The following C11orf65 variants were observed in gnomAD, a reference collection of about 807,000 sequenced individuals.
C11orf65 encodes chromosome 11 open reading frame 65, also known as protein MFI.
Under a neutral mutation model 35.3 loss-of-function variants are expected in C11orf65, and 38 were observed. That is an observed-to-expected ratio of 1.08 (90% CI 0.83 to 1.41). The LOEUF is 1.41. C11orf65 is among the 40% of genes most tolerant of loss of function. The pLI, the probability that C11orf65 is intolerant of heterozygous loss-of-function variation, is 0.00. For synonymous variants in C11orf65, 105 were observed against 114.4 expected (o/e 0.92, Z 0.53); for missense variants, 370 against 367.1 (o/e 1.01, Z -0.06).
intron 2 of C11orf65, among the ~76,000 whole-genome samples, chr11:108,337,387 A>G (rs1311603319): frequency 3.9e-5 from 6 of 152,238 alleles, no homozygotes; most frequent in Non-Finnish European, 8.8e-5. Context: ...AAGTTGCTCT[A>G]TAAAGGCTAC....
At chr11:108,356,227 T>C (rs1234263983) in intron 2 of C11orf65, 1 of 152,130 alleles carries the variant, frequency 6.6e-6, no homozygotes, top group African/African-American at 2.4e-5. Flanking sequence ...TTATATTATC[T>C]TGCACTTTTT....
At chr11:108,435,755 C>A (rs1330584912) in intron 2 of C11orf65, among the ~76,000 whole-genome samples, 1 of 151,810 alleles carries the variant, frequency 6.6e-6, no homozygotes, top group Non-Finnish European at 1.5e-5. Flanking sequence ...CCATTTTTTT[C>A]TTTTGTTTTC....
chr11:108,467,850 G>T (rs1443307063), upstream of C11orf65, among the ~76,000 whole-genome samples: 3 of 152,010 alleles, frequency 2.0e-5, no homozygotes, highest in Non-Finnish European at 4.4e-5. Flanking sequence ...CTTGAGATAG[G>T]GTCTCAATCT....
At chr11:108,408,698 T>TAAAATAAA in intron 3 of C11orf65, among the ~76,000 whole-genome samples, 1 of 106,840 alleles carries the variant, frequency 9.4e-6, no homozygotes, top group Non-Finnish European at 1.7e-5. Context: ...TAAAATAAAA[T>TAAAATAAA]AAAATAAAAT....
chr11:108,349,422 T>C (rs1342410174), intron 2 of C11orf65, among the ~76,000 whole-genome samples: 4 of 152,262 alleles, frequency 2.6e-5, no homozygotes, highest in East Asian at 3.9e-4. Context: ...CCCAACACTT[T>C]GGGAGGCCAA....
downstream of C11orf65, chr11:108,330,417 T>C (rs1060501644): frequency 6.2e-7 from 1 of 1,614,138 alleles, no homozygotes; most frequent in African/African-American, 1.3e-5. Flanking sequence ...AATGGCATGA[T>C]GAAGGCAAGT....
At chr11:108,363,009 A>C (rs2090970656) in intron 2 of C11orf65, among the ~76,000 whole-genome samples, 1 of 152,122 alleles carries the variant, frequency 6.6e-6, no homozygotes, top group South Asian at 2.1e-4. Context: ...CACACCCTCC[A>C]ATGCTTTGTG....
At position 108,461,387 on chromosome 11, in the gene C11orf65, G is replaced by C. The variant is rs12284770; in HGVS notation, c.81+92C>G. ...TGCACTCCAGCCTAGGCAACAGAGAGAGATTCTGTCTTAAAAAAAAAAATT... is the reference window on the plus strand; with the variant it reads ...TGCACTCCAGCCTAGGCAACAGAGACAGATTCTGTCTTAAAAAAAAAAATT... On this transcript the variant is annotated intron_variant, in intron 2 of 8. Coordinates refer to ENST00000393084, the MANE Select transcript of C11orf65 (RefSeq NM_152587.5). The C allele has an allele frequency of 1.4e-3, 1,379 of 956,634 alleles. 14 individuals are homozygous for C. The African/African-American group carries it at 0.02, about 14-fold the overall frequency. The allele number at this position is 956,634 out of a possible 1,614,324, so 59.3% of individuals were successfully genotyped here.
chr11:108,448,401 C>T (rs900068511), intron 2 of C11orf65, among the ~76,000 whole-genome samples: 1 of 152,122 alleles, frequency 6.6e-6, no homozygotes, highest in Non-Finnish European at 1.5e-5. Flanking sequence ...TACTGGCCAA[C>T]CAAATCCAGC....
At chr11:108,437,110 A>AG (rs1555172798) in intron 2 of C11orf65, among the ~76,000 whole-genome samples, 13,356 of 100,140 alleles carry the variant, frequency 0.13, 1,302 homozygotes, top group African/African-American at 0.19. Context: ...AAAAAAAAAA[A>AG]GGGGGGGGGT....
rs1015355699 is a variant in C11orf65, at chr11:108,449,197, T to C, written c.81+12282A>G. ...GTAGGAAGAATCAATATCGTGAAAATGGCCCTACTGCCCAAGGTAATTTAT... is the reference window on the plus strand; with the variant it reads ...GTAGGAAGAATCAATATCGTGAAAACGGCCCTACTGCCCAAGGTAATTTAT... On this transcript the variant is annotated intron_variant, in intron 2 of 8. Coordinates refer to ENST00000393084, the MANE Select transcript of C11orf65 (RefSeq NM_152587.5). 4.6e-5 allele frequency among the ~76,000 whole-genome samples: 7 copies of C among 152,062 alleles called. No individual in the cohort carries two copies. The South Asian group carries it at 8.3e-4, about 18-fold the overall frequency.
At chr11:108,357,775 C>T (rs1203865481) in intron 2 of C11orf65, among the ~76,000 whole-genome samples, 2 of 152,044 alleles carry the variant, frequency 1.3e-5, no homozygotes, top group African/African-American at 4.8e-5. Context: ...AAAGGATATC[C>T]ACACCAAAAA....
chr11:108,453,213 A>G (rs1196721696), intron 2 of C11orf65, among the ~76,000 whole-genome samples: 2 of 152,050 alleles, frequency 1.3e-5, no homozygotes, highest in Non-Finnish European at 2.9e-5. Flanking sequence ...CAACAGGAGA[A>G]ATAGAAAACA....
intron 2 of C11orf65, among the ~76,000 whole-genome samples, chr11:108,357,084 G>A (rs192481209): frequency 4.5e-4 from 69 of 152,346 alleles, no homozygotes; most frequent in Admixed American, 1.5e-3. Context: ...GTCAGTGGGT[G>A]CACGCACTGT....
chr11:108,461,421 C>T (rs1591621239), intron 2 of C11orf65, 58 bp downstream of exon 2: 8 of 1,338,474 alleles, frequency 6.0e-6, no homozygotes, highest in Non-Finnish European at 7.4e-6. Flanking sequence ...TTGAACTGTA[C>T]ACTTTAAATT....
rs1181521977 is a variant in C11orf65, at chr11:108,430,310, T to C, written c.174+1436A>G. On this transcript the variant is annotated intron_variant, in intron 3 of 8. Coordinates refer to ENST00000393084, the MANE Select transcript of C11orf65 (RefSeq NM_152587.5). ...CGCCTGGCTAATTTTTTTTTTTTTT[T>C]TTGTATTTTTAGTAGAGACAGGGTT... is the stretch of plus-strand genomic sequence containing the variant. 3.3e-5 allele frequency among the ~76,000 whole-genome samples: 5 copies of C among 149,584 alleles called. No individual in the cohort carries two copies. The South Asian group carries it at 1.1e-3, about 32-fold the overall frequency.
At chr11:108,466,314 C>T (rs1054569510) in intron 1 of C11orf65, among the ~76,000 whole-genome samples, 2 of 152,134 alleles carry the variant, frequency 1.3e-5, no homozygotes, top group Admixed American at 6.5e-5. Context: ...TGGCTCAGGC[C>T]TGTAATCCTA....
intron 2 of C11orf65, among the ~76,000 whole-genome samples, chr11:108,373,626 A>G (rs541731866): frequency 6.6e-6 from 1 of 152,370 alleles, no homozygotes; most frequent in South Asian, 2.1e-4. Context: ...CTGCATTTCC[A>G]TCTGAGATAC....
intron 3 of C11orf65, chr11:108,331,682 CTCACA>C (rs2086252545): frequency 1.5e-6 from 2 of 1,354,626 alleles, no homozygotes; most frequent in Non-Finnish European, 2.0e-6. Flanking sequence ...TTTTTGTCTT[CTCACA>C]TCACATAAGT....
Sources: gnomAD v4.1 joint callset for allele counts (sites outside exome capture counted in the v4.1 genomes callset) on GRCh38, gnomAD v4.1.1 for gene constraint, MANE v1.5 for transcripts, NCBI Gene and HGNC (gene_info 2026-07-23, HGNC 2026-07-21) for gene names.